Variants in LRP1B observed in about 807,000 individuals in gnomAD.
LRP1B encodes low-density lipoprotein receptor-related protein 1B.
LRP1B carries 217 observed loss-of-function variants against 556.6 expected under a neutral mutation model. The ratio of observed to expected loss-of-function variants is 0.39; its 90% CI spans 0.35 to 0.44. LRP1B has a LOEUF of 0.44. Among genes scored for constraint, LRP1B ranks in the 20% least tolerant of loss-of-function variants. LRP1B has a pLI of 1.00. For missense variants in LRP1B, 5,053 were observed against 5,620.8 expected (o/e 0.90, Z 3.23); for synonymous variants, 2,047 against 1,865.8 (o/e 1.10, Z -2.50).
At chr2:140,458,978 G>A (rs1169970447) in intron 60 of LRP1B, among the ~76,000 whole-genome samples, 4 of 151,930 alleles carry the variant, frequency 2.6e-5, no homozygotes, top group Admixed American at 6.6e-5. Flanking sequence ...AATCTAGCTA[G>A]AAATTCATCT....
chr2:141,345,896 C>T (rs564100656), intron 3 of LRP1B, among the ~76,000 whole-genome samples: 2 of 151,740 alleles, frequency 1.3e-5, no homozygotes, highest in South Asian at 4.2e-4. Context: ...TTTTCCCATC[C>T]CTTCTTGAAT....
chr2:141,245,748 A>G (rs1434867025), intron 5 of LRP1B, among the ~76,000 whole-genome samples: 3 of 152,224 alleles, frequency 2.0e-5, no homozygotes, highest in Non-Finnish European at 4.4e-5. Context: ...AAAACTGTGT[A>G]GAAACTACAG....
intron 11 of LRP1B, among the ~76,000 whole-genome samples, chr2:141,021,194 A>G (rs986730619): frequency 6.6e-6 from 1 of 152,042 alleles, no homozygotes; most frequent in Non-Finnish European, 1.5e-5. Flanking sequence ...GGAAATCTAG[A>G]TCACATTTCC....
intron 41 of LRP1B, among the ~76,000 whole-genome samples, chr2:140,672,912 G>T (rs561263003): frequency 6.4e-4 from 98 of 152,254 alleles, no homozygotes; most frequent in African/African-American, 2.0e-3. Context: ...AAAGATCCAC[G>T]AGTAACATGA....
At chr2:140,792,251 A>G (rs902602133) in intron 32 of LRP1B, among the ~76,000 whole-genome samples, 1 of 151,660 alleles carries the variant, frequency 6.6e-6, no homozygotes, top group Non-Finnish European at 1.5e-5. Flanking sequence ...ATTAATAAAT[A>G]TCGTATGCCT....
chr2:141,153,910 A>G (rs1702001612), intron 7 of LRP1B, among the ~76,000 whole-genome samples: 1 of 151,470 alleles, frequency 6.6e-6, no homozygotes, highest in African/African-American at 2.4e-5. Flanking sequence ...AAAGGAGGAG[A>G]TCTGCCACTC....
At chr2:140,527,936 T>C (rs1488012530) in intron 47 of LRP1B, among the ~76,000 whole-genome samples, 2 of 152,006 alleles carry the variant, frequency 1.3e-5, no homozygotes, top group African/African-American at 2.4e-5. Context: ...TTTTAGGTAG[T>C]TATGATATTC....
intron 71 of LRP1B, among the ~76,000 whole-genome samples, chr2:140,369,928 C>A (rs1682919726): frequency 6.6e-6 from 1 of 151,866 alleles, no homozygotes; most frequent in Admixed American, 6.6e-5. Flanking sequence ...AGTGTAAAAT[C>A]TATTGAGAGA....
intron 46 of LRP1B, among the ~76,000 whole-genome samples, chr2:140,536,050 CA>C (rs1442467276): frequency 6.6e-6 from 1 of 152,024 alleles, no homozygotes; most frequent in African/African-American, 2.4e-5. Context: ...ATCCAAAAAT[CA>C]CGATGTTTCT....
intron 3 of LRP1B, among the ~76,000 whole-genome samples, chr2:141,458,284 C>T (rs766311220): frequency 4.6e-5 from 7 of 152,184 alleles, no homozygotes; most frequent in Non-Finnish European, 7.3e-5. Context: ...CTTGAACTGA[C>T]ATCAGAATTC....
rs112242969 is a variant in LRP1B at position 140,444,458 on chromosome 2, T to C, written c.10175-9A>G. 2.5e-6 allele frequency: 4 copies of C among 1,613,796 alleles called. No individual in the cohort carries two copies. The African/African-American group carries it at 4.0e-5, about 16-fold the overall frequency. ...CAGGCAGACATGTGTGTCTAGAACA[T>C]AGAAGGAGAGAGAGAGAGAAAATTT... On this transcript the variant is annotated splice_polypyrimidine_tract_variant and intron_variant, in intron 64 of 90. Coordinates refer to ENST00000389484, the MANE Select transcript of LRP1B (RefSeq NM_018557.3).
chr2:140,814,664 C>G (rs565608314), intron 31 of LRP1B, among the ~76,000 whole-genome samples: 1 of 152,052 alleles, frequency 6.6e-6, no homozygotes, highest in East Asian at 1.9e-4. Context: ...CAAGTAAATC[C>G]AAAAATGGAA....
intron 2 of LRP1B, among the ~76,000 whole-genome samples, chr2:141,729,302 TA>T (rs1458685111): frequency 6.7e-6 from 1 of 149,414 alleles, no homozygotes; most frequent in Non-Finnish European, 1.5e-5. Context: ...TATGCTATGC[TA>T]TTCTTTTTTT....
chr2:141,255,028 A>G (rs1475342272), intron 3 of LRP1B, among the ~76,000 whole-genome samples: 1 of 152,102 alleles, frequency 6.6e-6, no homozygotes, highest in Non-Finnish European at 1.5e-5. Context: ...TTACTAATCC[A>G]TGTGTAACCT....
At chr2:140,928,152 T>G (rs1694941360) in intron 20 of LRP1B, among the ~76,000 whole-genome samples, 1 of 152,108 alleles carries the variant, frequency 6.6e-6, no homozygotes, top group African/African-American at 2.4e-5. Flanking sequence ...GTTCAGAGAC[T>G]TATTCTCATA....
At chr2:140,265,707 A>G (rs535776108) in intron 86 of LRP1B, among the ~76,000 whole-genome samples, 5 of 152,250 alleles carry the variant, frequency 3.3e-5, no homozygotes, top group Admixed American at 3.3e-4. Flanking sequence ...ATGTTTTTAG[A>G]TGAAATAGTA....
intron 2 of LRP1B, among the ~76,000 whole-genome samples, chr2:141,535,080 C>T (rs1452753493): frequency 6.6e-6 from 1 of 152,134 alleles, no homozygotes; most frequent in Non-Finnish European, 1.5e-5. Flanking sequence ...CTGTGCACTT[C>T]CCAATCACTT....
At chr2:141,772,610 T>C (rs1694938081) in intron 2 of LRP1B, among the ~76,000 whole-genome samples, 1 of 152,200 alleles carries the variant, frequency 6.6e-6, no homozygotes, top group African/African-American at 2.4e-5. Context: ...TGAGAATCAC[T>C]GCTTCAGAGG....
intron 18 of LRP1B, among the ~76,000 whole-genome samples, chr2:140,977,647 T>C (rs1696644543): frequency 6.6e-6 from 1 of 152,218 alleles, no homozygotes; most frequent in East Asian, 1.9e-4. Flanking sequence ...TAATTACTTT[T>C]GCACTGACCT....
Sources: allele counts gnomAD v4.1 joint callset (sites outside exome capture counted in the v4.1 genomes callset), GRCh38; gene constraint gnomAD v4.1.1; transcripts MANE v1.5; gene names NCBI Gene and HGNC (gene_info 2026-07-23, HGNC 2026-07-21).